The following RABGAP1L variants were observed in gnomAD, a reference collection of about 807,000 sequenced individuals.
RABGAP1L encodes RAB GTPase activating protein 1 like, also known as rab GTPase-activating protein 1-like.
A neutral mutation model predicts 137.7 loss-of-function variants in RABGAP1L; 63 were observed. The ratio of observed to expected loss-of-function variants is 0.46; its 90% CI spans 0.37 to 0.56. The LOEUF (loss-of-function observed/expected upper bound fraction) is 0.56. RABGAP1L is among the 20% of genes least tolerant of loss of function. The pLI, the probability that RABGAP1L is intolerant of heterozygous loss-of-function variation, is 0.00. For missense variants in RABGAP1L, 1,095 were observed against 1,244.0 expected (o/e 0.88, Z 1.80); for synonymous variants, 431 against 433.7 (o/e 0.99, Z 0.08).
At chr1:174,213,980 A>C (rs1399356464) in intron 1 of RABGAP1L, among the ~76,000 whole-genome samples, 1 of 152,216 alleles carries the variant, frequency 6.6e-6, no homozygotes, top group African/African-American at 2.4e-5. Flanking sequence ...ATATACTGGA[A>C]GTCCTAGCTA....
chr1:174,382,759 T>C (rs866652883), intron 12 of RABGAP1L, among the ~76,000 whole-genome samples: 2 of 147,948 alleles, frequency 1.4e-5, no homozygotes, highest in Admixed American at 6.8e-5. Context: ...CTCAGAGTAA[T>C]TTGATCGTCT....
intron 14 of RABGAP1L, among the ~76,000 whole-genome samples, chr1:174,654,420 C>T (rs144820324): frequency 4.2e-4 from 64 of 152,288 alleles, no homozygotes; most frequent in African/African-American, 1.4e-3. Flanking sequence ...TCACTTACTT[C>T]TTCTGTGAAG....
intron 13 of RABGAP1L, among the ~76,000 whole-genome samples, chr1:174,431,812 C>T (rs1044175385): frequency 3.3e-5 from 5 of 151,944 alleles, no homozygotes; most frequent in Non-Finnish European, 7.4e-5. Flanking sequence ...TCCTAGGCTA[C>T]CAAATATTAA....
chr1:174,683,942 G>C (rs1038634412), intron 15 of RABGAP1L, among the ~76,000 whole-genome samples: 1 of 152,156 alleles, frequency 6.6e-6, no homozygotes, highest in African/African-American at 2.4e-5. Flanking sequence ...TATCATTTCT[G>C]TGATGTATTT....
At chr1:174,584,651 TTTG>T (rs1668984444) in intron 13 of RABGAP1L, among the ~76,000 whole-genome samples, 2 of 152,316 alleles carry the variant, frequency 1.3e-5, no homozygotes, top group South Asian at 4.1e-4. Flanking sequence ...GCTTGGCCAC[TTTG>T]TAAGAAACCT....
chr1:174,419,945 A>G (rs969670836), intron 13 of RABGAP1L, among the ~76,000 whole-genome samples: 3 of 152,118 alleles, frequency 2.0e-5, no homozygotes, highest in Non-Finnish European at 4.4e-5. Flanking sequence ...TAAATTTTCC[A>G]TTTGAGCCCA....
chr1:174,293,350 G>A (rs1309485447), intron 10 of RABGAP1L, among the ~76,000 whole-genome samples: 1 of 152,084 alleles, frequency 6.6e-6, no homozygotes, highest in African/African-American at 2.4e-5. Context: ...AGTGATTTAT[G>A]ATCCTGATCC....
intron 14 of RABGAP1L, among the ~76,000 whole-genome samples, chr1:174,664,820 C>G (rs528017808): frequency 2.7e-5 from 4 of 147,320 alleles, no homozygotes; most frequent in East Asian, 4.1e-4. Flanking sequence ...TCACCGCAAC[C>G]TCTGCCTCCC....
chr1:174,682,343 C>G (rs949602467), intron 14 of RABGAP1L, among the ~76,000 whole-genome samples: 1 of 150,150 alleles, frequency 6.7e-6, no homozygotes. Context: ...CACACACATA[C>G]ATCACAACAA....
At chr1:174,561,651 CA>C (rs1257999453) in intron 13 of RABGAP1L, among the ~76,000 whole-genome samples, 2 of 152,078 alleles carry the variant, frequency 1.3e-5, no homozygotes, top group Non-Finnish European at 2.9e-5. Flanking sequence ...GTACTGGTAC[CA>C]AAACAGATAC....
intron 13 of RABGAP1L, among the ~76,000 whole-genome samples, chr1:174,571,188 G>A (rs914063943): frequency 1.3e-5 from 2 of 152,076 alleles, no homozygotes; most frequent in African/African-American, 2.4e-5. Context: ...AACATCACAG[G>A]TTCTCACTTA....
chr1:174,588,786 T>A (rs1361586217), intron 13 of RABGAP1L, among the ~76,000 whole-genome samples: 1 of 152,200 alleles, frequency 6.6e-6, no homozygotes, highest in African/African-American at 2.4e-5. Context: ...AATCTCATTC[T>A]TTTTTATGGC....
chr1:174,709,362 C>T (rs998709437), intron 17 of RABGAP1L, among the ~76,000 whole-genome samples: 1 of 152,210 alleles, frequency 6.6e-6, no homozygotes, highest in African/African-American at 2.4e-5. Flanking sequence ...ATCCCTGATA[C>T]CTATGCCACC....
At chr1:174,969,669 G>T (rs1669965808) in intron 21 of RABGAP1L, among the ~76,000 whole-genome samples, 1 of 152,194 alleles carries the variant, frequency 6.6e-6, no homozygotes. Flanking sequence ...ATAATTATCT[G>T]AGAACATCAG....
chr1:174,372,399 C>G (rs1685178910), intron 12 of RABGAP1L, among the ~76,000 whole-genome samples: 1 of 151,900 alleles, frequency 6.6e-6, no homozygotes, highest in African/African-American at 2.4e-5. Context: ...ATAGGCAGTG[C>G]TTTTTTCGGC....
chr1:174,633,008 C>T (rs1317076091), intron 13 of RABGAP1L, among the ~76,000 whole-genome samples: 1 of 152,002 alleles, frequency 6.6e-6, no homozygotes, highest in South Asian at 2.1e-4. Context: ...TCTGTTTTTT[C>T]CCCATCTTTG....
In RABGAP1L at chr1:174,875,622, A is replaced by G. The variant is rs902812493; in HGVS notation, c.2340+63662A>G. 9 of 985,370 alleles carry G rather than the reference A, an allele frequency of 9.1e-6. No homozygotes were observed. In the South Asian group the frequency reaches 1.9e-4, roughly 21 times the overall value. The allele number at this position is 985,370 out of a possible 1,614,324, so 61.0% of individuals were successfully genotyped here. A position where few individuals can be genotyped will look rare whatever the true frequency, so the allele number is the denominator to read the frequency against. On this transcript the variant is annotated intron_variant, in intron 19 of 25. Coordinates refer to ENST00000681986, the MANE Select transcript of RABGAP1L (RefSeq NM_001366446.1). ...TGCTTTCACATCTAGAAAATGTTGCAAGATAATCTGAAATCTTCTGGTGCT... is the reference window on the plus strand; with the variant it reads ...TGCTTTCACATCTAGAAAATGTTGCGAGATAATCTGAAATCTTCTGGTGCT...
At chr1:174,445,849 A>G (rs1001336541) in intron 13 of RABGAP1L, among the ~76,000 whole-genome samples, 1 of 152,188 alleles carries the variant, frequency 6.6e-6, no homozygotes, top group African/African-American at 2.4e-5. Context: ...CAAATGCTAT[A>G]AGGAGAATAC....
chr1:174,274,340 C>T lies in RABGAP1L; in HGVS notation c.1054-1493C>T, dbSNP rs191852295. ...AGAAAATTTCCGTGAATGATGGACCCATACTTTAAGGTCGTCCCGTAAGAT... is the reference window on the plus strand; with the variant it reads ...AGAAAATTTCCGTGAATGATGGACCTATACTTTAAGGTCGTCCCGTAAGAT... On this transcript the variant is annotated intron_variant, in intron 8 of 25. Transcript: ENST00000681986. 3.4e-4 allele frequency among the ~76,000 whole-genome samples: 52 copies of T among 152,120 alleles called. 1 individual carries two copies. Among genetic ancestry groups the T allele is most frequent in the Admixed American group, 3.4e-3 (52 of 15,252 alleles).
Sources: gnomAD v4.1 joint callset for allele counts (sites outside exome capture counted in the v4.1 genomes callset) on GRCh38, gnomAD v4.1.1 for gene constraint, MANE v1.5 for transcripts, NCBI Gene and HGNC (gene_info 2026-07-23, HGNC 2026-07-21) for gene names.